SLC7A5: variants seen among roughly 807,000 people sequenced by gnomAD.
SLC7A5 encodes the protein solute carrier family 7 member 5.
Under a neutral mutation model 50.2 loss-of-function variants are expected in SLC7A5, and 23 were observed. That is an observed-to-expected ratio of 0.46 (90% CI 0.33 to 0.65). The LOEUF (loss-of-function observed/expected upper bound fraction) is 0.65. Among genes scored for constraint, SLC7A5 ranks in the 30% least tolerant of loss-of-function variants. The pLI is 0.02. For missense variants in SLC7A5, 578 were observed against 684.4 expected, an observed-to-expected ratio of 0.84 and a Z score of 1.73; for synonymous variants, 393 against 330.6, an observed-to-expected ratio of 1.19 and a Z score of -2.05.
intron 8 of SLC7A5, 34 bp downstream of exon 8, chr16:87,836,464 G>T (rs1426207304): frequency 6.2e-7 from 1 of 1,603,970 alleles, no homozygotes; most frequent in Non-Finnish European, 8.5e-7. Flanking sequence ...CCTCTGTGAA[G>T]GGTGCCTGGG....
chr16:87,849,643 G>C (rs1421337486), intron 2 of SLC7A5, among the ~76,000 whole-genome samples: 1 of 152,102 alleles, frequency 6.6e-6, no homozygotes, highest in Non-Finnish European at 1.5e-5. Context: ...CCCGTAAAAT[G>C]TCACTCAGGC....
intron 8 of SLC7A5, among the ~76,000 whole-genome samples, chr16:87,836,261 G>C (rs764082649): frequency 1.3e-5 from 2 of 152,246 alleles, no homozygotes; most frequent in Admixed American, 6.5e-5. Context: ...CCACCCAACG[G>C]AGCACAAGCT....
intron 2 of SLC7A5, among the ~76,000 whole-genome samples, chr16:87,848,035 C>G (rs2055175291): frequency 6.6e-6 from 1 of 152,188 alleles, no homozygotes; most frequent in Non-Finnish European, 1.5e-5. Flanking sequence ...GAGCCCTGCC[C>G]AGGGGAAGCA....
Position 87,853,230 on chromosome 16 carries a change from G to A in SLC7A5, c.539-1381C>T, listed in dbSNP as rs951287646. 1.3e-5 allele frequency among the ~76,000 whole-genome samples: 2 copies of A among 152,184 alleles called. No individual in the cohort carries two copies. Among genetic ancestry groups the A allele is most frequent in the Non-Finnish European group, 2.9e-5 (2 of 68,036 alleles). On this transcript the variant is annotated intron_variant, in intron 1 of 9. Transcript: ENST00000261622. This position sits in a 1 kb window ranked among gnomAD's most constrained non-coding sequence, Gnocchi z 4.4. Reference sequence around the variant, plus strand: ...TCTTACAATGTAAGCAACAGACCCCGAGGAAAGACATCCATGCTAATTAAC... The same window carrying A: ...TCTTACAATGTAAGCAACAGACCCCAAGGAAAGACATCCATGCTAATTAAC...
Position 87,852,083 on chromosome 16 carries a change from T to G in SLC7A5, c.539-234A>C, listed in dbSNP as rs142424972. ...TAAGGGCTGGATCCCAGGTGCCCCT[T>G]AAGATCTGCAAGGGACCTTTCCTCA... is the stretch of plus-strand genomic sequence containing the variant. On this transcript the variant is annotated intron_variant, in intron 1 of 9. Coordinates refer to ENST00000261622, the MANE Select transcript of SLC7A5 (RefSeq NM_003486.7). This position sits in a 1 kb window ranked among gnomAD's most constrained non-coding sequence, Gnocchi z 4.5. Among the ~76,000 whole-genome samples, 1 of 152,270 alleles carries G rather than the reference T, an allele frequency of 6.6e-6. No individual in the cohort carries two copies. Among genetic ancestry groups the G allele is most frequent in the East Asian group, 1.9e-4 (1 of 5,188 alleles).
rs547336677 is a variant in SLC7A5, at chr16:87,862,769, C to T, written c.538+6116G>A. On this transcript the variant is annotated intron_variant, in intron 1 of 9. Coordinates refer to ENST00000261622, the MANE Select transcript of SLC7A5 (RefSeq NM_003486.7). The surrounding 1 kb of genome is among the most constrained non-coding windows in gnomAD (Gnocchi z 5.3). ...CCCATTCCACAGTCAGAAACAGGCTCGGCGGGGCCAGGTGGATTTCTCAAA... is the reference window on the plus strand; with the variant it reads ...CCCATTCCACAGTCAGAAACAGGCTTGGCGGGGCCAGGTGGATTTCTCAAA... Among the ~76,000 whole-genome samples, 11 of 152,330 alleles carry T rather than the reference C, an allele frequency of 7.2e-5. No individual in the cohort carries two copies. The East Asian group carries it at 1.5e-3, about 21-fold the overall frequency.
At chr16:87,843,233 G>A (rs1019750389) in intron 2 of SLC7A5, among the ~76,000 whole-genome samples, 4 of 152,160 alleles carry the variant, frequency 2.6e-5, no homozygotes, top group South Asian at 2.1e-4. Context: ...ACAGAAAGGC[G>A]GCTGATCCTA....
At chr16:87,840,532 C>T (rs780717029) in intron 3 of SLC7A5, 59 bp from the exon 4 acceptor site, 32 of 1,421,944 alleles carry the variant, frequency 2.3e-5, no homozygotes, top group East Asian at 6.8e-5. Flanking sequence ...AATAAATCAC[C>T]GGGGAGAGAG....
chr16:87,845,433 C>A, intron 2 of SLC7A5, among the ~76,000 whole-genome samples: 1 of 151,998 alleles, frequency 6.6e-6, no homozygotes, highest in East Asian at 1.9e-4. Flanking sequence ...AGAGTCCACG[C>A]CCACCCCAGA....
rs2055403014 is a variant in SLC7A5, at chr16:87,861,867, C to CACGTGTG, written c.538+7017_538+7018insCACACGT. 6.6e-6 allele frequency among the ~76,000 whole-genome samples: 1 copy of CACGTGTG among 152,248 alleles called. No homozygotes were observed. Among genetic ancestry groups the CACGTGTG allele is most frequent in the Non-Finnish European group, 1.5e-5 (1 of 68,044 alleles). Reference sequence around the variant, plus strand: ...CGGCCTTGCCCCGAATCCCGTGATGCAGCGTGACCTGCCTAGGTGCCGGCG... The same window carrying CACGTGTG: ...CGGCCTTGCCCCGAATCCCGTGATGCACGTGTGAGCGTGACCTGCCTAGGTGCCGGCG... On this transcript the variant is annotated intron_variant, in intron 1 of 9. Coordinates refer to ENST00000261622, the MANE Select transcript of SLC7A5 (RefSeq NM_003486.7). The surrounding 1 kb of genome is among the most constrained non-coding windows in gnomAD (Gnocchi z 4.2).
Position 87,851,840 on chromosome 16 carries a change from G to A in SLC7A5, c.548C>T (p.Thr183Met), listed in dbSNP as rs1218397051. ...CTTCACGCTGTAGCAGTTCACGGCC[G>A]TGAGCAGCACTGTGGAGACAGAGGG... is the stretch of plus-strand genomic sequence containing the variant. ...LVACLCVLLL[T>M]AVNCYSVKAA... is the part of the protein sequence containing the mutation. The change falls in exon 2 of 10, where the codon ACG (threonine) becomes ATG (methionine). Residue 183 changes from threonine (T) to methionine (M), a missense_variant. Thr to Met is a moderately conservative substitution (Grantham distance 81). This residue lies in a region of SLC7A5 where 465 missense variants were observed against 594.6 expected (regional missense o/e 0.78). Transcript: ENST00000261622. 5 of 1,612,914 alleles carry A rather than the reference G, an allele frequency of 3.1e-6. No homozygotes were observed. Among genetic ancestry groups the A allele is most frequent in the African/African-American group, 1.3e-5 (1 of 74,916 alleles).
At chr16:87,842,671 G>A (rs942615573) in intron 2 of SLC7A5, among the ~76,000 whole-genome samples, 3 of 152,190 alleles carry the variant, frequency 2.0e-5, no homozygotes, top group Non-Finnish European at 4.4e-5. Flanking sequence ...CACTGGGGGT[G>A]CTGGTGGGTT....
At chr16:87,834,675 G>A in intron 8 of SLC7A5, 84 bp from the exon 9 acceptor site, 3 of 1,410,528 alleles carry the variant, frequency 2.1e-6, no homozygotes, top group Non-Finnish European at 2.9e-6. Context: ...GCCCTCCTGG[G>A]CCCTCCACAC....
In SLC7A5 at chr16:87,851,587, A is replaced by T; in HGVS notation, c.664+137T>A. 3.5e-6 allele frequency: 4 copies of T among 1,137,998 alleles called. No homozygotes were observed. The South Asian group carries it at 4.8e-5, about 14-fold the overall frequency. 70.5% of individuals were successfully genotyped at this position (1,137,998 alleles called of 1,614,324 possible). A position where few individuals can be genotyped will look rare whatever the true frequency, so the allele number is the denominator to read the frequency against. ...ATTTCACTTGCTGGGTGATTTTCCC[A>T]GAGGGAAATCTCCACGTTGTACAGC... On this transcript the variant is annotated intron_variant, in intron 2 of 9. Coordinates refer to ENST00000261622, the MANE Select transcript of SLC7A5 (RefSeq NM_003486.7).
At chr16:87,836,152 G>A (rs569165797) in intron 8 of SLC7A5, among the ~76,000 whole-genome samples, 9 of 152,328 alleles carry the variant, frequency 5.9e-5, no homozygotes, top group African/African-American at 1.9e-4. Flanking sequence ...GCACAGCCCC[G>A]ACGGCCCTTT....
intron 1 of SLC7A5, among the ~76,000 whole-genome samples, chr16:87,855,519 G>A (rs2055305158): frequency 6.6e-6 from 1 of 152,008 alleles, no homozygotes; most frequent in Admixed American, 6.6e-5. Context: ...CCTGGCCCCT[G>A]GCCTTACCCC....
rs1007245218 is a variant in SLC7A5, at chr16:87,862,581, C to G, written c.538+6304G>C. ...CCCTCCCTCTCTTTGTTCCCTTGCTCCTTCCTTCTTTTGCCAGAGGAGAAG... is the reference window on the plus strand; with the variant it reads ...CCCTCCCTCTCTTTGTTCCCTTGCTGCTTCCTTCTTTTGCCAGAGGAGAAG... On this transcript the variant is annotated intron_variant, in intron 1 of 9. Coordinates refer to ENST00000261622, the MANE Select transcript of SLC7A5 (RefSeq NM_003486.7). The surrounding 1 kb of genome is among the most constrained non-coding windows in gnomAD (Gnocchi z 5.3). 2.0e-5 allele frequency among the ~76,000 whole-genome samples: 3 copies of G among 152,238 alleles called. No homozygotes were observed. Among genetic ancestry groups the G allele is most frequent in the African/African-American group, 7.2e-5 (3 of 41,462 alleles).
intron 2 of SLC7A5, among the ~76,000 whole-genome samples, chr16:87,851,402 G>C (rs2055220742): frequency 6.6e-6 from 1 of 152,188 alleles, no homozygotes; most frequent in Non-Finnish European, 1.5e-5. Flanking sequence ...GCCAGGCCTG[G>C]AATGTTCCAC....
intron 1 of SLC7A5, 141 bp downstream of exon 1, chr16:87,868,744 C>T (rs1259701612): frequency 3.2e-5 from 28 of 868,674 alleles, no homozygotes; most frequent in Non-Finnish European, 5.2e-5. Context: ...TTTCTGGGAC[C>T]AATGACCTTA....
Sources: allele counts gnomAD v4.1 joint callset (sites outside exome capture counted in the v4.1 genomes callset), GRCh38; gene constraint gnomAD v4.1.1; regional missense constraint gnomAD v4.1.1; non-coding constraint Gnocchi (gnomAD v3.1); transcripts MANE v1.5; gene names NCBI Gene and HGNC (gene_info 2026-07-23, HGNC 2026-07-21).